PLEKHG1: variants seen among roughly 807,000 people sequenced by gnomAD.
The protein encoded by PLEKHG1 is pleckstrin homology and RhoGEF domain containing G1, also known as pleckstrin homology domain-containing family G member 1.
A neutral mutation model predicts 100.8 loss-of-function variants in PLEKHG1; 44 were observed. The observed-to-expected ratio is 0.44, with a 90% CI of 0.34 to 0.56. The LOEUF (loss-of-function observed/expected upper bound fraction) is 0.56. Among genes scored for constraint, PLEKHG1 ranks in the 20% least tolerant of loss-of-function variants. The probability of loss-of-function intolerance (pLI) is 0.01; values close to 1 mark genes in which losing one functional copy is unlikely to be tolerated. For missense variants in PLEKHG1, 1,545 were observed against 1,720.9 expected, an observed-to-expected ratio of 0.90 and a Z score of 1.81; for synonymous variants, 640 against 662.5, an observed-to-expected ratio of 0.97 and a Z score of 0.52.
At chr6:150,726,919 G>C (rs1781989390) in intron 1 of PLEKHG1, among the ~76,000 whole-genome samples, 1 of 152,106 alleles carries the variant, frequency 6.6e-6, no homozygotes, top group Non-Finnish European at 1.5e-5. Context: ...TTTTAACTTG[G>C]ACTCTTAAAC....
chr6:150,811,294 G>A (rs1787513814), intron 10 of PLEKHG1, among the ~76,000 whole-genome samples: 1 of 150,106 alleles, frequency 6.7e-6, no homozygotes, highest in African/African-American at 2.5e-5. Context: ...TTTAAAGACA[G>A]GATCTTACTC....
At position 150,683,665 on chromosome 6, in the gene PLEKHG1, A is replaced by G. The variant is rs1780009214; in HGVS notation, c.-99+32879A>G. ...ACCTGCTATAACTGGCAAACTAAGG[A>G]TGACAGAGTGTTCAATGATGCTGTT... is the stretch of plus-strand genomic sequence containing the variant. On this transcript the variant is annotated intron_variant, in intron 3 of 3. Transcript: ENST00000367326. This position sits in a 1 kb window ranked among gnomAD's most constrained non-coding sequence, Gnocchi z 4.0. The G allele has an allele frequency of 1.7e-6, 1 of 583,460 alleles. No homozygotes were observed. Among genetic ancestry groups the G allele is most frequent in the Admixed American group, 3.6e-5 (1 of 27,894 alleles). The allele number at this position is 583,460 out of a possible 1,614,324, so 36.1% of individuals were successfully genotyped here.
intron 2 of PLEKHG1, among the ~76,000 whole-genome samples, chr6:150,766,374 A>T (rs1199366613): frequency 6.6e-6 from 1 of 152,252 alleles, no homozygotes; most frequent in East Asian, 1.9e-4. Context: ...CGGGCGCAGA[A>T]TGAACTGTTA....
chr6:150,607,682 G>GATA (rs1046854159), intron 1 of PLEKHG1, among the ~76,000 whole-genome samples: 9 of 152,174 alleles, frequency 5.9e-5, no homozygotes, highest in African/African-American at 1.9e-4. Flanking sequence ...GCAGCCTTTA[G>GATA]AGGTTTATTT....
At chr6:150,692,428 A>G (rs1210719612) in intron 3 of PLEKHG1, among the ~76,000 whole-genome samples, 3 of 152,248 alleles carry the variant, frequency 2.0e-5, no homozygotes, top group Non-Finnish European at 4.4e-5. Context: ...TTTAATTAGA[A>G]TAATATGATC....
intron 2 of PLEKHG1, among the ~76,000 whole-genome samples, chr6:150,749,743 T>G (rs2128627855): frequency 1.3e-5 from 2 of 152,228 alleles, no homozygotes; most frequent in African/African-American, 4.8e-5. Context: ...GTATTCAGAT[T>G]TATCTAGAAT....
intron 1 of PLEKHG1, among the ~76,000 whole-genome samples, chr6:150,635,166 C>G (rs1582853400): frequency 1.3e-5 from 2 of 152,130 alleles, no homozygotes; most frequent in African/African-American, 4.8e-5. Flanking sequence ...ATTTCATTAC[C>G]TTTACTCCAG....
At chr6:150,773,696 T>C (rs1784815675) in intron 3 of PLEKHG1, among the ~76,000 whole-genome samples, 1 of 152,230 alleles carries the variant, frequency 6.6e-6, no homozygotes, top group Admixed American at 6.5e-5. Flanking sequence ...CTCTGCCCTG[T>C]CAAGGAATTT....
chr6:150,819,742 GT>G lies in PLEKHG1; in HGVS notation c.1378del (p.Ser460LeufsTer6). 5 of 1,610,512 alleles carry G rather than the reference GT, an allele frequency of 3.1e-6. No homozygotes were observed. The highest frequency in any genetic ancestry group is 4.2e-6 in the Non-Finnish European group (5 of 1,176,840). ...AAAGCACTGTTCGGCTCTAAAGAAG[GT>G]TCTGCTCCATATCGGCTGAGAAGAA... On this transcript the variant is annotated frameshift_variant, in exon 12 of 16. Coordinates refer to ENST00000358517, the Ensembl canonical transcript of PLEKHG1. LOFTEE classifies it high-confidence loss of function.
intron 5 of PLEKHG1, among the ~76,000 whole-genome samples, chr6:150,798,504 C>T (rs1413830558): frequency 6.6e-6 from 1 of 152,134 alleles, no homozygotes; most frequent in Non-Finnish European, 1.5e-5. Flanking sequence ...ATCATTTGTG[C>T]AAGGACATTT....
chr6:150,641,572 C>A (rs1778259173), intron 2 of PLEKHG1, among the ~76,000 whole-genome samples: 1 of 152,144 alleles, frequency 6.6e-6, no homozygotes, highest in Non-Finnish European at 1.5e-5. Flanking sequence ...ATGAACAGTT[C>A]CCCTTTTTTT....
upstream of PLEKHG1, among the ~76,000 whole-genome samples, chr6:150,716,107 CA>C (rs10592056): frequency 0.36 from 49,468 of 136,994 alleles, 9,727 homozygotes; most frequent in Middle Eastern, 0.5. Context: ...GACTCCGTCT[CA>C]AAAAAAAAAA....
At chr6:150,778,927 A>G (rs1785139890) in intron 3 of PLEKHG1, among the ~76,000 whole-genome samples, 1 of 152,222 alleles carries the variant, frequency 6.6e-6, no homozygotes, top group South Asian at 2.1e-4. Context: ...AGGCAGTACC[A>G]TGTTGAAGAT....
At chr6:150,834,501 A>G (rs958998965) in intron 15 of PLEKHG1, among the ~76,000 whole-genome samples, 5 of 152,204 alleles carry the variant, frequency 3.3e-5, no homozygotes, top group African/African-American at 9.6e-5. Flanking sequence ...TGTTTTGAAT[A>G]TGGACCATCT....
At chr6:150,749,238 A>G (rs1195922170) in intron 2 of PLEKHG1, among the ~76,000 whole-genome samples, 2 of 152,172 alleles carry the variant, frequency 1.3e-5, no homozygotes, top group African/African-American at 2.4e-5. Context: ...GTCCTCAAAC[A>G]TACTTGTCAA....
At chr6:150,617,597 A>C (rs1777126192) in intron 1 of PLEKHG1, among the ~76,000 whole-genome samples, 1 of 152,186 alleles carries the variant, frequency 6.6e-6, no homozygotes, top group Non-Finnish European at 1.5e-5. Flanking sequence ...CATAGAACTC[A>C]GTAAGGTTTG....
chr6:150,622,975 G>A (rs1777366387), intron 1 of PLEKHG1, among the ~76,000 whole-genome samples: 1 of 151,816 alleles, frequency 6.6e-6, no homozygotes, highest in African/African-American at 2.4e-5. Flanking sequence ...AGGGGAGGCG[G>A]CACTTCCTTT....
At chr6:150,729,251 G>A (rs1393043648) in intron 1 of PLEKHG1, among the ~76,000 whole-genome samples, 1 of 152,150 alleles carries the variant, frequency 6.6e-6, no homozygotes, top group Non-Finnish European at 1.5e-5. Flanking sequence ...TATTTGAGAT[G>A]GGGTTTTACT....
intron 2 of PLEKHG1, among the ~76,000 whole-genome samples, chr6:150,748,170 G>A (rs1469445786): frequency 6.6e-6 from 1 of 152,182 alleles, no homozygotes; most frequent in Non-Finnish European, 1.5e-5. Context: ...ACTTCACTTA[G>A]CATATTATCT....
Sources: allele counts gnomAD v4.1 joint callset (sites outside exome capture counted in the v4.1 genomes callset), GRCh38; gene constraint gnomAD v4.1.1; non-coding constraint Gnocchi (gnomAD v3.1); transcripts MANE v1.5; gene names NCBI Gene and HGNC (gene_info 2026-07-23, HGNC 2026-07-21).